The following ERBB4 variants were observed in gnomAD, a reference collection of about 807,000 sequenced individuals.
The protein encoded by ERBB4 is erb-b2 receptor tyrosine kinase 4, also known as receptor tyrosine-protein kinase erbB-4.
A neutral mutation model predicts 158.0 loss-of-function variants in ERBB4; 42 were observed. The observed-to-expected ratio is 0.27, with a 90% CI of 0.21 to 0.34. ERBB4 has a LOEUF of 0.34. ERBB4 is among the 10% of genes least tolerant of loss of function. ERBB4 has a pLI of 1.00. For synonymous variants in ERBB4, 583 were observed against 558.7 expected (o/e 1.04, Z -0.61); for missense variants, 1,333 against 1,624.1 (o/e 0.82, Z 3.08).
intron 2 of ERBB4, among the ~76,000 whole-genome samples, chr2:211,976,885 T>G (rs903443959): frequency 2.6e-5 from 4 of 152,162 alleles, no homozygotes; most frequent in African/African-American, 9.7e-5. Context: ...ATAAACAGAC[T>G]GAAGGAGTAA....
intron 1 of ERBB4, among the ~76,000 whole-genome samples, chr2:212,513,179 G>T (rs1320371418): frequency 6.6e-6 from 1 of 152,104 alleles, no homozygotes; most frequent in Non-Finnish European, 1.5e-5. Flanking sequence ...TTCCTCACTA[G>T]ATTGTTTAAT....
chr2:212,046,120 G>A (rs1229808313), intron 2 of ERBB4, among the ~76,000 whole-genome samples: 1 of 152,162 alleles, frequency 6.6e-6, no homozygotes, highest in East Asian at 1.9e-4. Flanking sequence ...TTTCAGACAT[G>A]TGAAGTGGAG....
At chr2:212,398,928 T>G (rs2091109084) in intron 1 of ERBB4, among the ~76,000 whole-genome samples, 1 of 133,734 alleles carries the variant, frequency 7.5e-6, no homozygotes, top group Non-Finnish European at 1.6e-5. Flanking sequence ...GAAAATATAT[T>G]GTTCATTCTA....
chr2:212,105,897 G>GCA (rs1389774348), intron 2 of ERBB4, among the ~76,000 whole-genome samples: 4 of 152,146 alleles, frequency 2.6e-5, no homozygotes, highest in Non-Finnish European at 5.9e-5. Flanking sequence ...GAGTTTTCTT[G>GCA]CACAAGTTCC....
At chr2:212,092,789 G>A (rs2078818537) in intron 2 of ERBB4, among the ~76,000 whole-genome samples, 1 of 152,078 alleles carries the variant, frequency 6.6e-6, no homozygotes, top group Admixed American at 6.6e-5. Flanking sequence ...GACGCAGGGA[G>A]GGGAACATCA....
chr2:211,759,871 A>G (rs2075367623), intron 4 of ERBB4, among the ~76,000 whole-genome samples: 2 of 151,768 alleles, frequency 1.3e-5, no homozygotes, highest in Non-Finnish European at 2.9e-5. Context: ...TACTTTATAC[A>G]GTTTTGTCAT....
At chr2:211,990,172 T>G (rs2082035334) in intron 2 of ERBB4, among the ~76,000 whole-genome samples, 1 of 152,040 alleles carries the variant, frequency 6.6e-6, no homozygotes, top group Non-Finnish European at 1.5e-5. Context: ...GGCATTTGAA[T>G]AGATGTCTAC....
chr2:211,700,431 T>G (rs775523861), intron 12 of ERBB4, among the ~76,000 whole-genome samples: 20 of 152,270 alleles, frequency 1.3e-4, no homozygotes, highest in Non-Finnish European at 2.6e-4. Flanking sequence ...TGAGAATGAG[T>G]AAGAACTTAA....
chr2:211,443,025 A>G (rs964941914), intron 20 of ERBB4, among the ~76,000 whole-genome samples: 1 of 151,986 alleles, frequency 6.6e-6, no homozygotes, highest in African/African-American at 2.4e-5. Flanking sequence ...GGGACAGTCA[A>G]TAAATAATAG....
At chr2:211,471,653 A>G (rs2064830157) in intron 20 of ERBB4, among the ~76,000 whole-genome samples, 1 of 152,174 alleles carries the variant, frequency 6.6e-6, no homozygotes, top group Non-Finnish European at 1.5e-5. Context: ...GCACACAGGC[A>G]GGGAACCCAG....
chr2:212,345,016 C>T (rs1239400218), intron 1 of ERBB4, among the ~76,000 whole-genome samples: 1 of 151,922 alleles, frequency 6.6e-6, no homozygotes, highest in African/African-American at 2.4e-5. Context: ...AATCCCAGCA[C>T]TTTGGGAGGC....
chr2:212,484,279 AAAGT>A (rs1689864102), intron 1 of ERBB4, among the ~76,000 whole-genome samples: 1 of 152,206 alleles, frequency 6.6e-6, no homozygotes, highest in Non-Finnish European at 1.5e-5. Flanking sequence ...CCCTAAACTC[AAAGT>A]AAGATTTGCT....
intron 20 of ERBB4, among the ~76,000 whole-genome samples, chr2:211,509,773 G>C (rs1414145932): frequency 6.6e-6 from 1 of 152,050 alleles, no homozygotes; most frequent in Admixed American, 6.6e-5. Flanking sequence ...CCATTAAAAA[G>C]TGGGCAGAGG....
intron 2 of ERBB4, among the ~76,000 whole-genome samples, chr2:212,013,980 C>T (rs2076451286): frequency 6.6e-6 from 1 of 152,164 alleles, no homozygotes; most frequent in Non-Finnish European, 1.5e-5. Flanking sequence ...AGCAACTAAA[C>T]AAGATATTGA....
intron 1 of ERBB4, among the ~76,000 whole-genome samples, chr2:212,318,797 A>G (rs1463360441): frequency 6.6e-6 from 1 of 151,524 alleles, no homozygotes; most frequent in Non-Finnish European, 1.5e-5. Context: ...TTATCATGTA[A>G]GTCTTGCCCG....
At chr2:211,499,423 T>C (rs1049395552) in intron 20 of ERBB4, among the ~76,000 whole-genome samples, 2 of 152,046 alleles carry the variant, frequency 1.3e-5, no homozygotes, top group African/African-American at 4.8e-5. Context: ...CTCGAGAGGC[T>C]GAGGCAGGGG....
At chr2:211,487,854 G>A (rs1442435026) in intron 20 of ERBB4, among the ~76,000 whole-genome samples, 1 of 152,086 alleles carries the variant, frequency 6.6e-6, no homozygotes, top group Non-Finnish European at 1.5e-5. Context: ...ATTAGCTGGT[G>A]TAATGAAGAG....
At position 211,702,130 on chromosome 2, in the gene ERBB4, G is replaced by A. The variant is rs1461819364; in HGVS notation, c.1326C>T (p.Ile442=). 1 of 1,614,090 alleles carries A rather than the reference G, an allele frequency of 6.2e-7. No individual in the cohort carries two copies. The highest frequency in any genetic ancestry group is 1.1e-5 in the South Asian group (1 of 91,074). The change falls in exon 12 of 28, where the codon ATC becomes ATT. Residue 442 remains isoleucine, a synonymous_variant. Transcript: ENST00000342788. ...TCAGGGACTGGAACTGTAGAGAGGTGATGCCCTGTTGCTTGAGGATAAGCA... is the reference window on the plus strand; with the variant it reads ...TCAGGGACTGGAACTGTAGAGAGGTAATGCCCTGTTGCTTGAGGATAAGCA... The part of the protein sequence containing the change: ...LSLLILKQQG[I]TSLQFQSLKE...
chr2:211,447,022 A>T (rs547487270), intron 20 of ERBB4, among the ~76,000 whole-genome samples: 1 of 152,308 alleles, frequency 6.6e-6, no homozygotes, highest in East Asian at 1.9e-4. Flanking sequence ...ACAAAGCAAC[A>T]TTCACAAGTC....
Sources: allele counts gnomAD v4.1 joint callset (sites outside exome capture counted in the v4.1 genomes callset), GRCh38; gene constraint gnomAD v4.1.1; transcripts MANE v1.5; gene names NCBI Gene and HGNC (gene_info 2026-07-23, HGNC 2026-07-21).